The following SBF1 variants were observed in gnomAD, a reference collection of about 807,000 sequenced individuals.
SBF1 encodes SET binding factor 1, also known as myotubularin-related protein 5.
In SBF1, 65 loss-of-function variants were observed where a neutral mutation model predicts 215.8. That is an observed-to-expected ratio of 0.30 (90% confidence interval 0.25 to 0.37). The LOEUF is 0.37. SBF1 is among the 10% of genes least tolerant of loss of function. The probability of loss-of-function intolerance (pLI) is 1.00; values close to 1 mark genes in which losing one functional copy is unlikely to be tolerated. For synonymous variants in SBF1, 1,410 were observed against 1,122.8 expected, an observed-to-expected ratio of 1.26 and a Z score of -5.11; for missense variants, 2,634 against 2,667.8, an observed-to-expected ratio of 0.99 and a Z score of 0.28.
At chr22:50,460,845 T>C (rs2067477799) in intron 23 of SBF1, 133 bp from the exon 24 acceptor site, 5 of 1,042,194 alleles carry the variant, frequency 4.8e-6, no homozygotes, top group Non-Finnish European at 7.0e-6. Context: ...AAGGCCTGTA[T>C]CTGTGTCACA....
In SBF1 at chr22:50,446,366, C is replaced by CT. The variant is rs1556414616; in HGVS notation, c.*775_*776insA. ...CCTGGGAGCCCACTGTCCCCCCCCC[C>CT]CCCCCGCCTCCGGCCTCCATCCCTT... On this transcript the variant is annotated 3_prime_UTR_variant, in exon 41 of 41. Coordinates refer to ENST00000380817, the MANE Select transcript of SBF1 (RefSeq NM_002972.4). The CT allele has an allele frequency of 9.2e-6, 1 of 108,364 alleles. No individual in the cohort carries two copies. Among genetic ancestry groups the CT allele is most frequent in the African/African-American group, 3.8e-5 (1 of 26,072 alleles). 6.7% of individuals were successfully genotyped at this position (108,364 alleles called of 1,614,324 possible). A position where few individuals can be genotyped will look rare whatever the true frequency, so the allele number is the denominator to read the frequency against.
chr22:50,448,114 G>A (rs2066906377), intron 38 of SBF1, 119 bp downstream of exon 38: 2 of 888,920 alleles, frequency 2.2e-6, no homozygotes, highest in African/African-American at 3.3e-5. Context: ...CCTCCCAGTG[G>A]TGGTGTATAC....
intron 36 of SBF1, among the ~76,000 whole-genome samples, chr22:50,452,809 G>A (rs1019969566): frequency 6.7e-6 from 1 of 148,576 alleles, no homozygotes; most frequent in Non-Finnish European, 1.5e-5. Context: ...AACAGGACAG[G>A]AAAGGCATGA....
intron 1 of SBF1, among the ~76,000 whole-genome samples, chr22:50,472,415 C>T (rs1043310704): frequency 3.3e-5 from 5 of 152,186 alleles, no homozygotes; most frequent in Non-Finnish European, 5.9e-5. Context: ...TGCATCCCGC[C>T]CTGAAGTCCT....
rs1452149235 is a variant in SBF1 at position 50,446,909 on chromosome 22, T to C, written c.*233A>G. 1.4e-6 allele frequency: 1 copy of C among 731,228 alleles called. No individual in the cohort carries two copies. Among genetic ancestry groups the C allele is most frequent in the African/African-American group, 1.7e-5 (1 of 58,488 alleles). 45.3% of individuals were successfully genotyped at this position (731,228 alleles called of 1,614,324 possible). A position where few individuals can be genotyped will look rare whatever the true frequency, so the allele number is the denominator to read the frequency against. On this transcript the variant is annotated 3_prime_UTR_variant, in exon 41 of 41. Transcript: ENST00000380817. ...CGGGGCCGGACTATTTACAGGCCCA[T>C]TGCGGGCTGTACCTTGGCCACCTCC...
At chr22:50,458,856 G>A (rs979568181) in intron 28 of SBF1, among the ~76,000 whole-genome samples, 6 of 152,216 alleles carry the variant, frequency 3.9e-5, no homozygotes, top group African/African-American at 1.2e-4. Flanking sequence ...AGGGAGGGTG[G>A]AGTGTGGGGG....
rs1161187597 is a variant in SBF1, at chr22:50,455,499, G to A, written c.4350C>T (p.Gly1450=). The part of the protein sequence containing the change: ...GSSVLVGLED[G]WDITTQVVSL... ...CACACACCTGGGTGGTGATGTCCCAGCCATCCTCCAGGCCCACCAGCACGG... is the reference window on the plus strand; with the variant it reads ...CACACACCTGGGTGGTGATGTCCCAACCATCCTCCAGGCCCACCAGCACGG... The change falls in exon 32 of 41, where the codon GGC becomes GGT. Residue 1450 remains glycine, a synonymous_variant. Coordinates refer to ENST00000380817, the MANE Select transcript of SBF1 (RefSeq NM_002972.4). 6.2e-7 allele frequency: 1 copy of A among 1,608,618 alleles called. No homozygotes were observed. The highest frequency in any genetic ancestry group is 8.5e-7 in the Non-Finnish European group (1 of 1,177,860).
intron 28 of SBF1, among the ~76,000 whole-genome samples, chr22:50,458,431 G>A (rs2067349786): frequency 6.6e-6 from 1 of 152,164 alleles, no homozygotes; most frequent in South Asian, 2.1e-4. Context: ...ACTGGCACTG[G>A]GGATGGTCGG....
intron 5 of SBF1, 42 bp downstream of exon 5, chr22:50,467,296 G>C (rs951870275): frequency 1.3e-6 from 2 of 1,531,244 alleles, no homozygotes; most frequent in Non-Finnish European, 1.8e-6. Flanking sequence ...CCCAGCAGGA[G>C]GGCCTGTGGC....
At chr22:50,460,735 TA>T (rs768397927) in intron 23 of SBF1, 23 bp from the exon 24 acceptor site, 37 of 1,604,022 alleles carry the variant, frequency 2.3e-5, no homozygotes, top group Non-Finnish European at 3.2e-5. Flanking sequence ...AAGCAGCCCT[TA>T]GGGGTGTGGG....
chr22:50,460,028 T>G lies in SBF1; in HGVS notation c.3415A>C (p.Ser1139Arg). Reference sequence around the variant, plus strand: ...GACTTGGCCCGGCTCAGGCTGCTGCTCAGGGTGCCCAGACCGAGGCGCTGG... The same window carrying G: ...GACTTGGCCCGGCTCAGGCTGCTGCGCAGGGTGCCCAGACCGAGGCGCTGG... ...DYQRLGLGTL[S>R]SSLSRAKSEP... The change falls in exon 26 of 41, where the codon AGC becomes CGC. Residue 1139 changes from serine (S) to arginine (R), a missense_variant. Transcript: ENST00000380817. The G allele has an allele frequency of 6.2e-7, 1 of 1,613,974 alleles. No homozygotes were observed. Among genetic ancestry groups the G allele is most frequent in the Non-Finnish European group, 8.5e-7 (1 of 1,179,972 alleles).
chr22:50,456,654 CCGGA>C lies in SBF1; in HGVS notation c.3920_3923del (p.Val1307GlyfsTer17). The C allele has an allele frequency of 6.7e-7, 1 of 1,488,762 alleles. No individual in the cohort carries two copies. Among genetic ancestry groups the C allele is most frequent in the African/African-American group, 1.4e-5 (1 of 71,218 alleles). 92.2% of individuals were successfully genotyped at this position (1,488,762 alleles called of 1,614,324 possible). On this transcript the variant is annotated frameshift_variant, in exon 30 of 41. Coordinates refer to ENST00000380817, the MANE Select transcript of SBF1 (RefSeq NM_002972.4). LOFTEE classifies it high-confidence loss of function. ...CAAGGCCACTGCTGCGTCCACTGGT[CCGGA>C]CACTGCCCCACTTACCTGTGAAGGA...
At chr22:50,457,819 C>T (rs1341671697) in intron 28 of SBF1, among the ~76,000 whole-genome samples, 4 of 152,150 alleles carry the variant, frequency 2.6e-5, no homozygotes, top group Non-Finnish European at 4.4e-5. Flanking sequence ...CTGCAAGGCC[C>T]GAGGGTGGGA....
At chr22:50,468,842 G>C (rs776063877) in intron 1 of SBF1, among the ~76,000 whole-genome samples, 1 of 151,950 alleles carries the variant, frequency 6.6e-6, no homozygotes, top group African/African-American at 2.4e-5. Context: ...CCCCAACAGT[G>C]GGCATCCCCC....
At position 50,462,333 on chromosome 22, in the gene SBF1, C is replaced by T; in HGVS notation, c.2268G>A (p.Gln756=). ...TCATGCGGTTGGCATAGTGGATGGC[C>T]TGGCTGAACACCGTGCTCTCCTCCT... The part of the protein sequence containing the change: ...VQKEESTVFS[Q]AIHYANRMSY... Residue 756 remains glutamine (Q), a synonymous_variant, in exon 19 of 41, where the codon CAG becomes CAA. Transcript: ENST00000380817. 6.2e-7 allele frequency: 1 copy of T among 1,614,108 alleles called. No individual in the cohort carries two copies. The highest frequency in any genetic ancestry group is 8.5e-7 in the Non-Finnish European group (1 of 1,180,024).
chr22:50,464,672 G>A lies in SBF1; in HGVS notation c.1498C>T (p.Arg500Trp), dbSNP rs764358901. 2.2e-5 allele frequency: 35 copies of A among 1,607,584 alleles called. No individual in the cohort carries two copies. In the East Asian group the frequency reaches 5.6e-4, roughly 26 times the overall value. The stretch of plus-strand genomic sequence containing the variant: ...AGCCGGGGGAAGGGTCGGGGCACCC[G>A]TCGCAGGTGGCTGCTCTCACCGGGC... Reference protein sequence around the residue: ...QRPGESSHLRRVPRPFPRLDE... With the variant: ...QRPGESSHLRWVPRPFPRLDE... The change falls in exon 14 of 41, where the codon CGG (arginine) becomes TGG (tryptophan). Residue 500 changes from arginine to tryptophan, a missense_variant. Arg to Trp is a moderately radical substitution (Grantham distance 101). Coordinates refer to ENST00000380817, the MANE Select transcript of SBF1 (RefSeq NM_002972.4).
Position 50,447,094 on chromosome 22 carries a change from G to A in SBF1, c.*48C>T, listed in dbSNP as rs939694907. The A allele has an allele frequency of 1.3e-6, 2 of 1,542,058 alleles. No homozygotes were observed. Among genetic ancestry groups the A allele is most frequent in the Non-Finnish European group, 1.8e-6 (2 of 1,130,382 alleles). The stretch of plus-strand genomic sequence containing the variant: ...GCCGGGGCGGCCCTGCCCACCCCTA[G>A]TGGTCGGTAACGACCGGAAGCAGAG... On this transcript the variant is annotated 3_prime_UTR_variant, in exon 41 of 41. Transcript: ENST00000380817.
chr22:50,459,217 G>A (rs1156626832), intron 28 of SBF1, 38 bp downstream of exon 28: 3 of 1,571,772 alleles, frequency 1.9e-6, no homozygotes, highest in African/African-American at 1.4e-5. Flanking sequence ...GCCCCCCAAA[G>A]TGCCCCTGCC....
rs1264265552 is a variant in SBF1 at position 50,468,470 on chromosome 22, A to G, written c.56-9T>C. ...CTGGCCTTCCCCACTCCCTGAGGAC[A>G]AGAACAGGGGGTCAGAGCACCCAAC... On this transcript the variant is annotated splice_polypyrimidine_tract_variant and intron_variant, in intron 1 of 40. Transcript: ENST00000380817. 1 of 1,589,244 alleles carries G rather than the reference A, an allele frequency of 6.3e-7. No individual in the cohort carries two copies. Among genetic ancestry groups the G allele is most frequent in the Admixed American group, 1.7e-5 (1 of 57,912 alleles).
Sources: allele counts gnomAD v4.1 joint callset (sites outside exome capture counted in the v4.1 genomes callset), GRCh38; gene constraint gnomAD v4.1.1; transcripts MANE v1.5; gene names NCBI Gene and HGNC (gene_info 2026-07-23, HGNC 2026-07-21).